The following CMPK1 variants were observed in gnomAD, a reference collection of about 807,000 sequenced individuals.
CMPK1 encodes the protein cytidine/uridine monophosphate kinase 1.
In CMPK1, 10 loss-of-function variants were observed where a neutral mutation model predicts 25.7. The ratio of observed to expected loss-of-function variants is 0.39; its 90% confidence interval spans 0.24 to 0.66. The LOEUF (loss-of-function observed/expected upper bound fraction) is 0.66, where lower values mean the gene tolerates loss of function less well. Ranked by LOEUF, CMPK1 falls within the 30% of genes least tolerant of loss-of-function variation. CMPK1 has a pLI of 0.48. For synonymous variants in CMPK1, 106 were observed against 101.5 expected, an observed-to-expected ratio of 1.04 and a Z score of -0.27; for missense variants, 199 against 280.5, an observed-to-expected ratio of 0.71 and a Z score of 2.08.
At chr1:47,366,695 GT>G (rs150667437) in intron 1 of CMPK1, among the ~76,000 whole-genome samples, 3,329 of 152,064 alleles carry the variant, frequency 0.022, 128 homozygotes, top group East Asian at 0.19. Flanking sequence ...AGGTAAGGTT[GT>G]TTTTTCTTTT....
At chr1:47,340,228 C>G (rs1209159074) in intron 1 of CMPK1, among the ~76,000 whole-genome samples, 1 of 151,658 alleles carries the variant, frequency 6.6e-6, no homozygotes. Flanking sequence ...GCTAGGTCTA[C>G]AGGTGCATGC....
chr1:47,341,681 C>G (rs954694999), intron 1 of CMPK1, among the ~76,000 whole-genome samples: 1 of 151,984 alleles, frequency 6.6e-6, no homozygotes, highest in African/African-American at 2.4e-5. Context: ...CTCTGTCGCC[C>G]AGGTTGGAGT....
At chr1:47,374,073 T>G (rs1240665814) in intron 3 of CMPK1, among the ~76,000 whole-genome samples, 1 of 152,188 alleles carries the variant, frequency 6.6e-6, no homozygotes, top group Non-Finnish European at 1.5e-5. Flanking sequence ...TATTTTATTT[T>G]ATTTTTTTGA....
chr1:47,347,820 G>A (rs1490037846), intron 1 of CMPK1, among the ~76,000 whole-genome samples: 2 of 152,090 alleles, frequency 1.3e-5, no homozygotes, highest in Non-Finnish European at 1.5e-5. Flanking sequence ...TAGTAGAGAC[G>A]GCATTTCACC....
At position 47,333,909 on chromosome 1, in the gene CMPK1, C is replaced by T; in HGVS notation, c.-37C>T. ...GCCCCGCCCCGCGCCGCGCCGGCCG[C>T]TGTCAGCTCCCTCAGCGTCCGGCCG... On this transcript the variant is annotated 5_prime_UTR_variant, in exon 1 of 6. Transcript: ENST00000371873. 7.9e-7 allele frequency: 1 copy of T among 1,259,424 alleles called. No individual in the cohort carries two copies. Among genetic ancestry groups the T allele is most frequent in the East Asian group, 3.4e-5 (1 of 29,622 alleles). The allele number at this position is 1,259,424 out of a possible 1,614,324, so 78.0% of individuals were successfully genotyped here. A position where few individuals can be genotyped will look rare whatever the true frequency, so the allele number is the denominator to read the frequency against.
chr1:47,374,211 C>T (rs1488896646), intron 3 of CMPK1, among the ~76,000 whole-genome samples: 2 of 152,204 alleles, frequency 1.3e-5, no homozygotes, highest in Non-Finnish European at 2.9e-5. Context: ...GCATGTGCAC[C>T]ATGCCTAGTT....
intron 1 of CMPK1, among the ~76,000 whole-genome samples, chr1:47,349,954 G>A (rs1278901265): frequency 3.3e-5 from 5 of 152,064 alleles, no homozygotes; most frequent in East Asian, 3.9e-4. Flanking sequence ...ACAGGCACGC[G>A]CCACCACGCC....
At chr1:47,372,094 ATT>A (rs1370485765) in intron 2 of CMPK1, among the ~76,000 whole-genome samples, 8 of 130,336 alleles carry the variant, frequency 6.1e-5, no homozygotes, top group African/African-American at 5.6e-5. Context: ...CTTTTTTCCT[ATT>A]TTTTTTTTTT....
intron 1 of CMPK1, among the ~76,000 whole-genome samples, chr1:47,353,996 C>G (rs1002897228): frequency 6.6e-6 from 1 of 152,090 alleles, no homozygotes; most frequent in Non-Finnish European, 1.5e-5. Flanking sequence ...GGATTACAGG[C>G]GTGAGCCACT....
chr1:47,355,627 G>T (rs56340240), intron 1 of CMPK1, among the ~76,000 whole-genome samples: 1,799 of 144,110 alleles, frequency 0.012, 16 homozygotes, highest in Admixed American at 0.029. Flanking sequence ...TTTCTGGGGG[G>T]ACAGAGTCTC....
intron 1 of CMPK1, among the ~76,000 whole-genome samples, chr1:47,367,024 C>G (rs1478841823): frequency 6.6e-6 from 1 of 152,092 alleles, no homozygotes; most frequent in African/African-American, 2.4e-5. Flanking sequence ...CCGCACCCAG[C>G]CTTTTTTTCT....
intron 1 of CMPK1, among the ~76,000 whole-genome samples, chr1:47,347,552 C>G (rs1646494096): frequency 6.6e-6 from 1 of 152,164 alleles, no homozygotes; most frequent in African/African-American, 2.4e-5. Flanking sequence ...ACAGCAATAG[C>G]CCATAAAATC....
Position 47,343,449 on chromosome 1 carries a change from A to G in CMPK1, c.171+9333A>G, listed in dbSNP as rs187523284. Among the ~76,000 whole-genome samples, 284 of 151,458 alleles carry G rather than the reference A, an allele frequency of 1.9e-3. 1 individual carries two copies. The highest frequency in any genetic ancestry group is 3.4e-3 in the Middle Eastern group (1 of 290). On this transcript the variant is annotated intron_variant, in intron 1 of 5. Coordinates refer to ENST00000371873, the MANE Select transcript of CMPK1 (RefSeq NM_016308.3). ...CTTGAACCTGGGAGGAGGACGTCGT[A>G]GTGAGCCAAGACCACACCATTGCAC...
chr1:47,334,354 C>T (rs1441506251), intron 1 of CMPK1, among the ~76,000 whole-genome samples: 1 of 152,154 alleles, frequency 6.6e-6, no homozygotes, highest in Non-Finnish European at 1.5e-5. Flanking sequence ...TTCCTGCGCC[C>T]CTTCTTTTCT....
intron 1 of CMPK1, among the ~76,000 whole-genome samples, chr1:47,334,508 T>A (rs1300288315): frequency 6.6e-6 from 1 of 152,186 alleles, no homozygotes. Flanking sequence ...GGATTTGGGT[T>A]AGAGGCCGTG....
intron 3 of CMPK1, chr1:47,373,391 G>A (rs1646689296): frequency 4.6e-6 from 1 of 215,782 alleles, no homozygotes; most frequent in Admixed American, 5.7e-5. Flanking sequence ...AGGTAATGAA[G>A]CTGAACTACT....
At chr1:47,336,661 G>A (rs112221722) in intron 1 of CMPK1, among the ~76,000 whole-genome samples, 61 of 152,146 alleles carry the variant, frequency 4.0e-4, no homozygotes, top group Admixed American at 1.6e-3. Flanking sequence ...TAGCTGGGAT[G>A]ACAGGTGTGC....
chr1:47,334,123 C>G lies in CMPK1; in HGVS notation c.171+7C>G. 1 of 1,494,012 alleles carries G rather than the reference C, an allele frequency of 6.7e-7. No individual in the cohort carries two copies. The highest frequency in any genetic ancestry group is 1.4e-5 in the African/African-American group (1 of 69,338). 92.5% of individuals were successfully genotyped at this position (1,494,012 alleles called of 1,614,324 possible). On this transcript the variant is annotated splice_region_variant and intron_variant, in intron 1 of 5. Coordinates refer to ENST00000371873, the MANE Select transcript of CMPK1 (RefSeq NM_016308.3). ...GTGCGCCCGCATCGTCGAGGTGAGG[C>G]CCGGGCAGCAGGCGGGCTCCTTGGG...
At chr1:47,358,222 C>T (rs959593130) in intron 1 of CMPK1, 2 of 447,158 alleles carry the variant, frequency 4.5e-6, no homozygotes, top group Non-Finnish European at 8.9e-6. Flanking sequence ...AAGCTACCCA[C>T]TTGGCTGAGC....
Sources: gnomAD v4.1 joint callset for allele counts (sites outside exome capture counted in the v4.1 genomes callset) on GRCh38, gnomAD v4.1.1 for gene constraint, MANE v1.5 for transcripts, NCBI Gene and HGNC (gene_info 2026-07-23, HGNC 2026-07-21) for gene names.